The following KCNQ1 variants were observed in gnomAD, a reference collection of about 807,000 sequenced individuals.
The protein encoded by KCNQ1 is potassium voltage-gated channel subfamily Q member 1, also known as potassium voltage-gated channel subfamily KQT member 1.
In KCNQ1, 49 loss-of-function variants were observed where a neutral mutation model predicts 72.4. That is an observed-to-expected ratio of 0.68 (90% confidence interval 0.54 to 0.86). The LOEUF (loss-of-function observed/expected upper bound fraction) is 0.86. Among genes scored for constraint, KCNQ1 ranks in the 40% least tolerant of loss-of-function variants. The probability of loss-of-function intolerance (pLI) is 0.00; values close to 1 mark genes in which losing one functional copy is unlikely to be tolerated. For synonymous variants in KCNQ1, 450 were observed against 412.6 expected (o/e 1.09, Z -1.10); for missense variants, 790 against 945.1 (o/e 0.84, Z 2.15).
intron 1 of KCNQ1, among the ~76,000 whole-genome samples, chr11:2,500,841 A>G (rs1374889893): frequency 3.4e-5 from 3 of 86,966 alleles, no homozygotes; most frequent in Non-Finnish European, 6.0e-5. Context: ...ACATGGACAC[A>G]GGGAGGGGAA....
chr11:2,584,173 T>C (rs995839396), intron 7 of KCNQ1, among the ~76,000 whole-genome samples: 5 of 152,230 alleles, frequency 3.3e-5, no homozygotes, highest in Admixed American at 2.6e-4. Flanking sequence ...ATGTGTGCTG[T>C]GTTGTGTGCA....
intron 15 of KCNQ1, among the ~76,000 whole-genome samples, chr11:2,819,834 A>G (rs1180829517): frequency 6.6e-6 from 1 of 152,198 alleles, no homozygotes; most frequent in Non-Finnish European, 1.5e-5. Flanking sequence ...TTTCTACCAC[A>G]TAAGCCACTT....
At position 2,817,873 on chromosome 11, in the gene KCNQ1, C is replaced by A. The variant is rs1251451396; in HGVS notation, c.1795-29894C>A. ...AGAAACCTCTGGCACTCTCCCCTCCCCAGCCAGCACCTACCAGCTTTGCGC... is the reference window on the plus strand; with the variant it reads ...AGAAACCTCTGGCACTCTCCCCTCCACAGCCAGCACCTACCAGCTTTGCGC... On this transcript the variant is annotated intron_variant, in intron 15 of 15. Transcript: ENST00000155840. The surrounding 1 kb of genome is among the most constrained non-coding windows in gnomAD (Gnocchi z 6.1). Among the ~76,000 whole-genome samples the A allele has an allele frequency of 6.6e-6, 1 of 152,172 alleles. No homozygotes were observed. The highest frequency in any genetic ancestry group is 1.5e-5 in the Non-Finnish European group (1 of 68,030).
At position 2,483,971 on chromosome 11, in the gene KCNQ1, G is replaced by T. The variant is rs191776978; in HGVS notation, c.386+38487G>T. Among the ~76,000 whole-genome samples, 55 of 152,292 alleles carry T rather than the reference G, an allele frequency of 3.6e-4. No homozygotes were observed. The highest frequency in any genetic ancestry group is 1.2e-3 in the African/African-American group (51 of 41,548). On this transcript the variant is annotated intron_variant, in intron 1 of 15. Coordinates refer to ENST00000155840, the MANE Select transcript of KCNQ1 (RefSeq NM_000218.3). This position sits in a 1 kb window ranked among gnomAD's most constrained non-coding sequence, Gnocchi z 6.1. ...GTTTTGCTTGTGACAGGCAAAGTCT[G>T]TGGTGCTTGCCAAATGGGGATTTGT... is the stretch of plus-strand genomic sequence containing the variant.
At chr11:2,699,614 A>AGAGAACCGCGCCGAAGCACCCCCGGG (rs1850747033) in intron 11 of KCNQ1, 1 of 231,506 alleles carries the variant, frequency 4.3e-6, no homozygotes, top group Non-Finnish European at 7.0e-6. Context: ...AGGCCCCCGG[A>AGAGAACCGCGCCGAAGCACCCCCGGG]GAGAACCGCG....
rs1043041645 is a variant in KCNQ1, at chr11:2,600,778, T to C, written c.1393+11924T>C. On this transcript the variant is annotated intron_variant, in intron 10 of 15. Coordinates refer to ENST00000155840, the MANE Select transcript of KCNQ1 (RefSeq NM_000218.3). This position sits in a 1 kb window ranked among gnomAD's most constrained non-coding sequence, Gnocchi z 5.6. ...CTTCAGTCTTGTTTAATCTGGAACA[T>C]TTCTAGTCTCTTTCTCTGTTATGAC... is the stretch of plus-strand genomic sequence containing the variant. Among the ~76,000 whole-genome samples the C allele has an allele frequency of 2.0e-5, 3 of 152,180 alleles. No individual in the cohort carries two copies. Among genetic ancestry groups the C allele is most frequent in the Non-Finnish European group, 4.4e-5 (3 of 68,042 alleles).
At chr11:2,705,542 C>A (rs1206351124) in intron 11 of KCNQ1, among the ~76,000 whole-genome samples, 2 of 152,192 alleles carry the variant, frequency 1.3e-5, no homozygotes, top group Non-Finnish European at 2.9e-5. Flanking sequence ...CCTTTTCTAC[C>A]ACCACCTTCC....
Position 2,710,968 on chromosome 11 carries a change from A to C in KCNQ1, c.1514+48887A>C, listed in dbSNP as rs1348455246. Among the ~76,000 whole-genome samples, 1 of 152,064 alleles carries C rather than the reference A, an allele frequency of 6.6e-6. No homozygotes were observed. The highest frequency in any genetic ancestry group is 1.5e-5 in the Non-Finnish European group (1 of 67,982). On this transcript the variant is annotated intron_variant, in intron 11 of 15. Transcript: ENST00000155840. This position sits in a 1 kb window ranked among gnomAD's most constrained non-coding sequence, Gnocchi z 4.1. ...ATTTTGGCTATTCTGGGTCCCTTGA[A>C]TTTCCATATGAATTTTACAATCAGC...
chr11:2,635,166 G>C (rs1334752084), intron 10 of KCNQ1: 1 of 152,162 alleles, frequency 6.6e-6, no homozygotes, highest in Non-Finnish European at 1.5e-5. Flanking sequence ...CTTTTGCTGT[G>C]CAGAAGCTCT....
At chr11:2,660,735 A>C in intron 10 of KCNQ1, 1 of 398,646 alleles carries the variant, frequency 2.5e-6, no homozygotes, top group East Asian at 3.6e-5. Flanking sequence ...CACTTCATTC[A>C]GGCATGGATG....
chr11:2,671,087 A>G lies in KCNQ1; in HGVS notation c.1514+9006A>G. On this transcript the variant is annotated intron_variant, in intron 11 of 15. Transcript: ENST00000155840. The surrounding 1 kb of genome is among the most constrained non-coding windows in gnomAD (Gnocchi z 4.7). ...TGGTAGTGACTGGCTAGCAGGAGGAAGTCTGGCAGTTAGTCTGAGCAGTTA... is the reference window on the plus strand; with the variant it reads ...TGGTAGTGACTGGCTAGCAGGAGGAGGTCTGGCAGTTAGTCTGAGCAGTTA... 2.7e-6 allele frequency: 1 copy of G among 377,006 alleles called. No homozygotes were observed. Among genetic ancestry groups the G allele is most frequent in the Non-Finnish European group, 4.5e-6 (1 of 221,000 alleles). 23.4% of individuals were successfully genotyped at this position (377,006 alleles called of 1,614,324 possible).
At chr11:2,589,334 G>A (rs1848640862) in intron 10 of KCNQ1, among the ~76,000 whole-genome samples, 1 of 152,160 alleles carries the variant, frequency 6.6e-6, no homozygotes, top group South Asian at 2.1e-4. Flanking sequence ...TGCAGCCCAG[G>A]GGCCCCGAGT....
At chr11:2,641,067 G>C (rs1564842350) in intron 10 of KCNQ1, 3 of 398,444 alleles carry the variant, frequency 7.5e-6, no homozygotes, top group Non-Finnish European at 1.3e-5. Flanking sequence ...TTTATCCACT[G>C]ATGTACACTT....
rs528078375 is a variant in KCNQ1, at chr11:2,759,208, T to C, written c.1515-9636T>C. ...GAGGTGCAGGAAACCACACACGTGATGTGCTTGTGTCTGCTGACATAAGTG... is the reference window on the plus strand; with the variant it reads ...GAGGTGCAGGAAACCACACACGTGACGTGCTTGTGTCTGCTGACATAAGTG... On this transcript the variant is annotated intron_variant, in intron 11 of 15. Coordinates refer to ENST00000155840, the MANE Select transcript of KCNQ1 (RefSeq NM_000218.3). The surrounding 1 kb of genome is among the most constrained non-coding windows in gnomAD (Gnocchi z 4.4). 5.3e-4 allele frequency among the ~76,000 whole-genome samples: 81 copies of C among 152,056 alleles called. No individual in the cohort carries two copies. The highest frequency in any genetic ancestry group is 1.9e-3 in the African/African-American group (79 of 41,456).
At chr11:2,531,149 T>C (rs2741963) in intron 2 of KCNQ1, among the ~76,000 whole-genome samples, 125,021 of 148,306 alleles carry the variant, frequency 0.84, 52,879 homozygotes, top group East Asian at 0.97. Flanking sequence ...GCACCCAGGC[T>C]GGACCTGCAG....
Position 2,520,032 on chromosome 11 carries a change from AG to A in KCNQ1, c.387-7893del, listed in dbSNP as rs575377909. Among the ~76,000 whole-genome samples, 18 of 152,368 alleles carry A rather than the reference AG, an allele frequency of 1.2e-4. No individual in the cohort carries two copies. The South Asian group carries it at 3.7e-3, about 32-fold the overall frequency. ...GCCCGCAGAGGCTGGAAGGCTGAAA[AG>A]GGCCCTGTCGCCCCCACCCCCCAGG... On this transcript the variant is annotated intron_variant, in intron 1 of 15. Transcript: ENST00000155840.
rs76493772 is a variant in KCNQ1 at position 2,655,199 on chromosome 11, G to A, written c.1394-6762G>A. 3,332 of 398,562 alleles carry A rather than the reference G, an allele frequency of 8.4e-3. 102 individuals carry two copies. Among genetic ancestry groups the A allele is most frequent in the African/African-American group, 0.061 (2,981 of 48,706 alleles). 24.7% of individuals were successfully genotyped at this position (398,562 alleles called of 1,614,324 possible). A position where few individuals can be genotyped will look rare whatever the true frequency, so the allele number is the denominator to read the frequency against. ...GAGAGGGTGAGACTTGGCAGCCAGCGTCCCCAGCTGGGGTAGTCGCCACGC... is the reference window on the plus strand; with the variant it reads ...GAGAGGGTGAGACTTGGCAGCCAGCATCCCCAGCTGGGGTAGTCGCCACGC... On this transcript the variant is annotated intron_variant, in intron 10 of 15. Transcript: ENST00000155840.
At position 2,723,198 on chromosome 11, in the gene KCNQ1, G is replaced by C. The variant is rs1307626468; in HGVS notation, c.1515-45646G>C. ...GAGAGGGGTGTGGTGCTGCTTGTCCGTGGTGCTCCACACACCTGCCACAGC... is the reference window on the plus strand; with the variant it reads ...GAGAGGGGTGTGGTGCTGCTTGTCCCTGGTGCTCCACACACCTGCCACAGC... On this transcript the variant is annotated intron_variant, in intron 11 of 15. Transcript: ENST00000155840. This position sits in a 1 kb window ranked among gnomAD's most constrained non-coding sequence, Gnocchi z 4.2. 1.3e-5 allele frequency among the ~76,000 whole-genome samples: 2 copies of C among 152,192 alleles called. No individual in the cohort carries two copies. The highest frequency in any genetic ancestry group is 1.3e-4 in the Admixed American group (2 of 15,288).
chr11:2,811,142 T>C (rs1480252358), intron 15 of KCNQ1, among the ~76,000 whole-genome samples: 1 of 152,166 alleles, frequency 6.6e-6, no homozygotes, highest in African/African-American at 2.4e-5. Flanking sequence ...CAGTGCCGTG[T>C]CCTGTCTGGA....
Sources: gnomAD v4.1 joint callset for allele counts (sites outside exome capture counted in the v4.1 genomes callset) on GRCh38, gnomAD v4.1.1 for gene constraint, Gnocchi (gnomAD v3.1) non-coding constraint, MANE v1.5 for transcripts, NCBI Gene and HGNC (gene_info 2026-07-23, HGNC 2026-07-21) for gene names.